Variants in ESRRG observed in about 807,000 individuals in gnomAD.
ESRRG encodes the protein estrogen-related receptor gamma.
ESRRG carries 13 observed loss-of-function variants against 44.0 expected under a neutral mutation model. The observed-to-expected ratio is 0.30, with a 90% CI of 0.19 to 0.47. ESRRG has a LOEUF of 0.47. Among genes scored for constraint, ESRRG ranks in the 20% least tolerant of loss-of-function variants. The pLI is 1.00. For synonymous variants in ESRRG, 215 were observed against 214.6 expected (o/e 1.00, Z -0.02); for missense variants, 395 against 580.6 (o/e 0.68, Z 3.29).
At chr1:216,544,213 G>GTAATAATAATAA (rs2053765882) in intron 5 of ESRRG, among the ~76,000 whole-genome samples, 1 of 151,960 alleles carries the variant, frequency 6.6e-6, no homozygotes, top group Non-Finnish European at 1.5e-5. Flanking sequence ...TTCATCAAGA[G>GTAATAATAATAA]TAATAATAAT....
chr1:217,047,434 C>T, intron 1 of ESRRG, among the ~76,000 whole-genome samples: 1 of 152,066 alleles, frequency 6.6e-6, no homozygotes, highest in Non-Finnish European at 1.5e-5. Flanking sequence ...TCAGTCAATT[C>T]ACCTCATCTA....
chr1:216,624,760 A>G (rs1167027030), intron 3 of ESRRG, among the ~76,000 whole-genome samples: 1 of 152,126 alleles, frequency 6.6e-6, no homozygotes, highest in African/African-American at 2.4e-5. Context: ...TGATTTGGAC[A>G]CCCCATTATT....
chr1:216,588,212 T>A (rs765924689), intron 3 of ESRRG, among the ~76,000 whole-genome samples: 19 of 152,320 alleles, frequency 1.2e-4, no homozygotes, highest in Admixed American at 2.0e-4. Context: ...TGTCCATTGA[T>A]AATTAGGGAT....
At chr1:217,104,845 C>T (rs2092566608) in intron 1 of ESRRG, among the ~76,000 whole-genome samples, 1 of 152,164 alleles carries the variant, frequency 6.6e-6, no homozygotes, top group Non-Finnish European at 1.5e-5. Flanking sequence ...ATTTGATAAA[C>T]TCTATGGTTT....
intron 1 of ESRRG, among the ~76,000 whole-genome samples, chr1:217,134,703 CGT>C (rs2093024078): frequency 6.6e-6 from 1 of 152,230 alleles, no homozygotes; most frequent in African/African-American, 2.4e-5. Context: ...CTCTTCCCCG[CGT>C]GTTTGGCGCG....
At chr1:216,807,435 G>GACTTTCTGTTCT (rs1333808380) in intron 2 of ESRRG, among the ~76,000 whole-genome samples, 135 of 152,192 alleles carry the variant, frequency 8.9e-4, no homozygotes, top group African/African-American at 3.2e-3. Flanking sequence ...TTACAAACTA[G>GACTTTCTGTTCT]ACTTTCTGTT....
Position 216,569,190 on chromosome 1 carries a change from G to GGGAAAGGAAAGGAAAGGAAA in ESRRG, c.590-1112_590-1093dup, listed in dbSNP as rs55924517. 1.2e-3 allele frequency among the ~76,000 whole-genome samples: 67 copies of GGGAAAGGAAAGGAAAGGAAA among 53,872 alleles called. 2 individuals carry two copies. The highest frequency in any genetic ancestry group is 5.5e-3 in the African/African-American group (47 of 8,594). The allele number at this position is 53,872 out of a possible 152,430, so 35.3% of individuals were successfully genotyped here. A position where few individuals can be genotyped will look rare whatever the true frequency, so the allele number is the denominator to read the frequency against. ...GGGAAGGGAAGGGAAGGGAAGGGAA[G>GGGAAAGGAAAGGAAAGGAAA]GGAAAGGAAAGGAAAGGAAAGGAAA... On this transcript the variant is annotated intron_variant, in intron 3 of 6. Transcript: ENST00000408911.
chr1:217,105,368 C>T (rs1181483598), intron 1 of ESRRG, among the ~76,000 whole-genome samples: 2 of 152,214 alleles, frequency 1.3e-5, no homozygotes, highest in African/African-American at 4.8e-5. Context: ...AAGGTAGTCA[C>T]TGTCTTCTAA....
chr1:216,939,961 C>T (rs1408358890), intron 1 of ESRRG, among the ~76,000 whole-genome samples: 2 of 152,078 alleles, frequency 1.3e-5, no homozygotes, highest in African/African-American at 2.4e-5. Flanking sequence ...TTCTGCTCCT[C>T]TCTTATTTAT....
chr1:216,642,071 A>G (rs532144833), intron 3 of ESRRG, among the ~76,000 whole-genome samples: 1 of 152,184 alleles, frequency 6.6e-6, no homozygotes, highest in Non-Finnish European at 1.5e-5. Context: ...AAATACATAC[A>G]TGAATATTTC....
At chr1:217,129,845 C>T (rs1048138990) in intron 1 of ESRRG, among the ~76,000 whole-genome samples, 5 of 151,994 alleles carry the variant, frequency 3.3e-5, no homozygotes, top group African/African-American at 1.2e-4. Context: ...GATGAGGCTT[C>T]CCTTTGGAGT....
At chr1:216,933,402 C>T (rs899416966) in intron 2 of ESRRG, among the ~76,000 whole-genome samples, 2 of 151,532 alleles carry the variant, frequency 1.3e-5, no homozygotes, top group Non-Finnish European at 2.9e-5. Flanking sequence ...ACCCCATGCT[C>T]ATCTGGTAAA....
intron 3 of ESRRG, among the ~76,000 whole-genome samples, chr1:216,572,111 A>C (rs892339487): frequency 2.6e-5 from 4 of 152,276 alleles, no homozygotes; most frequent in East Asian, 3.9e-4. Flanking sequence ...TCTGTCTTCT[A>C]TGCATTGTCT....
At chr1:216,654,562 G>A (rs1209810753) in intron 2 of ESRRG, among the ~76,000 whole-genome samples, 2 of 151,534 alleles carry the variant, frequency 1.3e-5, no homozygotes, top group African/African-American at 4.9e-5. Flanking sequence ...CCAGGAGAAG[G>A]AGGCTGCAGT....
chr1:217,133,221 G>A (rs573919550), intron 1 of ESRRG, among the ~76,000 whole-genome samples: 6 of 152,360 alleles, frequency 3.9e-5, no homozygotes, highest in Admixed American at 3.3e-4. Context: ...TTTCCTAAGC[G>A]ACGGAAGCTC....
At chr1:216,521,004 A>G (rs1411142475) in intron 5 of ESRRG, among the ~76,000 whole-genome samples, 1 of 152,168 alleles carries the variant, frequency 6.6e-6, no homozygotes, top group Admixed American at 6.6e-5. Flanking sequence ...CATTAATTAT[A>G]AGTGCTTAAT....
intron 1 of ESRRG, among the ~76,000 whole-genome samples, chr1:217,031,247 C>T (rs142307603): frequency 3.3e-5 from 5 of 152,334 alleles, no homozygotes; most frequent in Non-Finnish European, 5.9e-5. Context: ...CTGCTCACAC[C>T]TCTCCTTCCA....
intron 5 of ESRRG, among the ~76,000 whole-genome samples, chr1:216,531,620 A>G (rs2049394495): frequency 6.6e-6 from 1 of 152,160 alleles, no homozygotes; most frequent in African/African-American, 2.4e-5. Flanking sequence ...TTCCTCAACC[A>G]TATGAATGCA....
At chr1:216,626,620 T>C (rs2150580910) in intron 3 of ESRRG, among the ~76,000 whole-genome samples, 1 of 152,352 alleles carries the variant, frequency 6.6e-6, no homozygotes, top group South Asian at 2.1e-4. Context: ...TGCCTGTCCC[T>C]GTCCTAGTCC....
Sources: allele counts gnomAD v4.1 joint callset (sites outside exome capture counted in the v4.1 genomes callset), GRCh38; gene constraint gnomAD v4.1.1; transcripts MANE v1.5; gene names NCBI Gene and HGNC (gene_info 2026-07-23, HGNC 2026-07-21).